The following SCFD2 variants were observed in gnomAD, a reference collection of about 807,000 sequenced individuals.
SCFD2 encodes the protein sec1 family domain-containing protein 2.
SCFD2 carries 54 observed loss-of-function variants against 58.9 expected under a neutral mutation model. That is an observed-to-expected ratio of 0.92 (90% CI 0.74 to 1.15). The LOEUF is 1.15. Among genes scored for constraint, SCFD2 ranks in the 50% most tolerant of loss-of-function variants. The probability of loss-of-function intolerance (pLI) is 0.00; values close to 1 mark genes in which losing one functional copy is unlikely to be tolerated. For synonymous variants in SCFD2, 321 were observed against 335.9 expected, an observed-to-expected ratio of 0.96 and a Z score of 0.49; for missense variants, 805 against 836.6, an observed-to-expected ratio of 0.96 and a Z score of 0.47.
At chr4:53,357,754 C>G (rs1734441650) in intron 1 of SCFD2, among the ~76,000 whole-genome samples, 1 of 152,194 alleles carries the variant, frequency 6.6e-6, no homozygotes, top group African/African-American at 2.4e-5. Flanking sequence ...AGACACTTTT[C>G]TGAGCACTAA....
chr4:53,157,444 C>T (rs1035312213), intron 4 of SCFD2, among the ~76,000 whole-genome samples: 1 of 152,150 alleles, frequency 6.6e-6, no homozygotes, highest in Non-Finnish European at 1.5e-5. Flanking sequence ...TCACAATATT[C>T]CTCCCTTTTC....
intron 4 of SCFD2, among the ~76,000 whole-genome samples, chr4:53,272,208 G>A (rs1018477029): frequency 6.6e-6 from 1 of 152,054 alleles, no homozygotes; most frequent in Non-Finnish European, 1.5e-5. Context: ...GAAACAACAG[G>A]TGCTGGAAAG....
intron 3 of SCFD2, among the ~76,000 whole-genome samples, chr4:53,296,554 GTCTA>G (rs775903532): frequency 8.6e-5 from 13 of 152,032 alleles, no homozygotes; most frequent in South Asian, 2.1e-4. Context: ...CTGCCTAGCG[GTCTA>G]TCTATTTTGT....
chr4:53,022,471 AT>A (rs1486884859), intron 5 of SCFD2, among the ~76,000 whole-genome samples: 1 of 152,170 alleles, frequency 6.6e-6, no homozygotes, highest in African/African-American at 2.4e-5. Context: ...GTATATCTGT[AT>A]TTATAGTATC....
intron 3 of SCFD2, among the ~76,000 whole-genome samples, chr4:53,307,907 G>A (rs1732566147): frequency 6.6e-6 from 1 of 152,126 alleles, no homozygotes. Flanking sequence ...ACAGAAAGCA[G>A]AAACGAAGGA....
intron 5 of SCFD2, among the ~76,000 whole-genome samples, chr4:52,997,829 C>G (rs750523924): frequency 3.0e-4 from 45 of 152,176 alleles, no homozygotes; most frequent in Non-Finnish European, 5.9e-4. Flanking sequence ...GCCTATATCC[C>G]TGGCAGCCCT....
At chr4:53,327,555 T>A (rs1733246402) in intron 2 of SCFD2, among the ~76,000 whole-genome samples, 1 of 151,802 alleles carries the variant, frequency 6.6e-6, no homozygotes, top group Non-Finnish European at 1.5e-5. Context: ...TGGTATGGAG[T>A]CTCCATGCAG....
intron 5 of SCFD2, among the ~76,000 whole-genome samples, chr4:52,937,310 A>C (rs1439627405): frequency 6.6e-6 from 1 of 152,188 alleles, no homozygotes; most frequent in Non-Finnish European, 1.5e-5. Context: ...AGAGGCAGAG[A>C]GGGCCAGATC....
intron 4 of SCFD2, among the ~76,000 whole-genome samples, chr4:53,189,390 A>G (rs1018775265): frequency 6.6e-6 from 1 of 152,214 alleles, no homozygotes; most frequent in Non-Finnish European, 1.5e-5. Flanking sequence ...GGAAAGTTAG[A>G]TGGTTGTCCC....
intron 5 of SCFD2, among the ~76,000 whole-genome samples, chr4:52,999,449 G>A (rs1721816463): frequency 6.6e-6 from 1 of 152,214 alleles, no homozygotes; most frequent in African/African-American, 2.4e-5. Context: ...ACAAATCAGA[G>A]GGAACTGTGG....
intron 4 of SCFD2, among the ~76,000 whole-genome samples, chr4:53,205,861 A>G (rs1366338038): frequency 1.3e-5 from 2 of 148,782 alleles, no homozygotes; most frequent in Non-Finnish European, 3.0e-5. Flanking sequence ...GACTGTCTCA[A>G]AAAAAAAAAA....
At position 53,355,459 on chromosome 4, in the gene SCFD2, G is replaced by A. The variant is rs148539215; in HGVS notation, c.839-2693C>T. On this transcript the variant is annotated intron_variant, in intron 1 of 8. Transcript: ENST00000401642. The stretch of plus-strand genomic sequence containing the variant: ...GCAGAAGTTAGGCAACTTGCCCAAG[G>A]ACTTTTGACTAGGAAAGGGCAGAGC... 7.9e-3 allele frequency among the ~76,000 whole-genome samples: 1,195 copies of A among 152,224 alleles called. 6 individuals are homozygous for A. The highest frequency in any genetic ancestry group is 0.013 in the Non-Finnish European group (895 of 68,008).
intron 1 of SCFD2, 54 bp from the exon 2 acceptor site, chr4:53,352,820 T>A: frequency 1.3e-6 from 2 of 1,483,852 alleles, no homozygotes; most frequent in South Asian, 2.4e-5. Flanking sequence ...AAAAAGCAAG[T>A]TGGATAAATG....
intron 5 of SCFD2, among the ~76,000 whole-genome samples, chr4:53,002,412 G>A (rs901962645): frequency 4.6e-5 from 7 of 152,144 alleles, no homozygotes; most frequent in African/African-American, 1.7e-4. Flanking sequence ...ATACAGCACT[G>A]GGTGGGGTAT....
intron 1 of SCFD2, among the ~76,000 whole-genome samples, chr4:53,363,826 C>A (rs866390210): frequency 0.013 from 1,422 of 106,696 alleles, no homozygotes; most frequent in East Asian, 0.017. Flanking sequence ...GACTCCGTCT[C>A]AAAAAAAAAA....
At chr4:53,022,770 G>T (rs186928678) in intron 5 of SCFD2, among the ~76,000 whole-genome samples, 1 of 152,290 alleles carries the variant, frequency 6.6e-6, no homozygotes, top group Admixed American at 6.5e-5. Flanking sequence ...AATGCAACAA[G>T]AGTTAAGTTT....
At chr4:53,250,281 G>T (rs995636215) in intron 4 of SCFD2, among the ~76,000 whole-genome samples, 16 of 152,130 alleles carry the variant, frequency 1.1e-4, no homozygotes, top group Admixed American at 8.5e-4. Context: ...CCCAATATAG[G>T]AGCACCCAGA....
chr4:53,281,724 T>C (rs1731516087), intron 3 of SCFD2, among the ~76,000 whole-genome samples: 1 of 152,224 alleles, frequency 6.6e-6, no homozygotes, highest in Non-Finnish European at 1.5e-5. Context: ...CAACACCTTT[T>C]CCCCTCACCA....
chr4:53,338,979 T>C lies in SCFD2; in HGVS notation c.1007+13619A>G, dbSNP rs192320578. 2.0e-5 allele frequency among the ~76,000 whole-genome samples: 3 copies of C among 151,920 alleles called. No individual in the cohort carries two copies. In the East Asian group the frequency reaches 5.8e-4, roughly 29 times the overall value. ...AAAATATTCTCAGATGAATGAAAACTAAAAGATTTTGTTGCAGCAGATCTA... is the reference window on the plus strand; with the variant it reads ...AAAATATTCTCAGATGAATGAAAACCAAAAGATTTTGTTGCAGCAGATCTA... On this transcript the variant is annotated intron_variant, in intron 2 of 8. Coordinates refer to ENST00000401642, the MANE Select transcript of SCFD2 (RefSeq NM_152540.4).
Sources: gnomAD v4.1 joint callset for allele counts (sites outside exome capture counted in the v4.1 genomes callset) on GRCh38, gnomAD v4.1.1 for gene constraint, MANE v1.5 for transcripts, NCBI Gene and HGNC (gene_info 2026-07-23, HGNC 2026-07-21) for gene names.